CPNE8: variants seen among roughly 807,000 people sequenced by gnomAD.
The protein encoded by CPNE8 is copine 8, also known as copine-8.
CPNE8 carries 45 observed loss-of-function variants against 81.5 expected under a neutral mutation model. That is an observed-to-expected ratio of 0.55 (90% confidence interval 0.44 to 0.71). CPNE8 has a LOEUF of 0.71. Among genes scored for constraint, CPNE8 ranks in the 30% least tolerant of loss-of-function variants. The pLI is 0.00. For synonymous variants in CPNE8, 252 were observed against 226.3 expected (o/e 1.11, Z -1.02); for missense variants, 594 against 672.1 (o/e 0.88, Z 1.28).
At chr12:38,705,297 T>C (rs1217295741) in intron 13 of CPNE8, among the ~76,000 whole-genome samples, 1 of 152,150 alleles carries the variant, frequency 6.6e-6, no homozygotes, top group East Asian at 1.9e-4. Flanking sequence ...CTTGTAGTCC[T>C]CTTAGTAAAA....
At chr12:38,675,919 A>G (rs538466416) in intron 17 of CPNE8, 145 bp from the exon 18 acceptor site, 16 of 625,920 alleles carry the variant, frequency 2.6e-5, no homozygotes, top group Middle Eastern at 4.3e-4. Flanking sequence ...CAGGAGTTTG[A>G]GAACAGCCTG....
At chr12:38,886,080 G>A (rs1316757988) in intron 1 of CPNE8, among the ~76,000 whole-genome samples, 2 of 152,124 alleles carry the variant, frequency 1.3e-5, no homozygotes, top group Non-Finnish European at 2.9e-5. Context: ...TAATATAGAT[G>A]GCTGGGGTTA....
At chr12:38,755,912 CG>C (rs1565599613) in intron 10 of CPNE8, among the ~76,000 whole-genome samples, 1 of 150,590 alleles carries the variant, frequency 6.6e-6, no homozygotes, top group Non-Finnish European at 1.5e-5. Flanking sequence ...TAGTGGCGGG[CG>C]CCTGTAGTCC....
At chr12:38,738,021 G>A (rs1349275471) in intron 10 of CPNE8, among the ~76,000 whole-genome samples, 1 of 152,104 alleles carries the variant, frequency 6.6e-6, no homozygotes, top group East Asian at 1.9e-4. Context: ...AGTTGTGCCA[G>A]AGTTGCCAAC....
At chr12:38,799,749 G>T in intron 6 of CPNE8, among the ~76,000 whole-genome samples, 1 of 146,594 alleles carries the variant, frequency 6.8e-6, no homozygotes, top group African/African-American at 2.4e-5. Context: ...GAGGTACCGG[G>T]TTCATCTCAC....
chr12:38,745,752 C>G (rs1565595060), intron 10 of CPNE8, among the ~76,000 whole-genome samples: 1 of 152,070 alleles, frequency 6.6e-6, no homozygotes, highest in Non-Finnish European at 1.5e-5. Flanking sequence ...ACTATGTTAC[C>G]CAGGCTGGTC....
intron 1 of CPNE8, among the ~76,000 whole-genome samples, chr12:38,896,077 ATTAAT>A (rs1221718988): frequency 6.6e-6 from 1 of 152,126 alleles, no homozygotes; most frequent in Non-Finnish European, 1.5e-5. Context: ...AGATTTTGAG[ATTAAT>A]TTAAAGAAAA....
rs140509942 is a variant in CPNE8, at chr12:38,872,361, A to T, written c.186+643T>A. Among the ~76,000 whole-genome samples the T allele has an allele frequency of 2.1e-3, 323 of 152,340 alleles. 1 individual carries two copies. Among genetic ancestry groups the T allele is most frequent in the Non-Finnish European group, 3.5e-3 (238 of 68,022 alleles). ...AAATAGCACTAACCTCACTAGGGAA[A>T]TCTAGCCAGAAACTGTAACCTCATT... On this transcript the variant is annotated intron_variant, in intron 3 of 19. Transcript: ENST00000331366.
At chr12:38,871,378 C>G (rs897058175) in intron 3 of CPNE8, among the ~76,000 whole-genome samples, 1 of 152,266 alleles carries the variant, frequency 6.6e-6, no homozygotes, top group East Asian at 1.9e-4. Context: ...TTGTGGACAC[C>G]CTGGTCAATG....
chr12:38,871,955 G>C (rs1943998448), intron 3 of CPNE8, among the ~76,000 whole-genome samples: 1 of 152,116 alleles, frequency 6.6e-6, no homozygotes. Context: ...GACCAACATG[G>C]AGAAACCCCG....
chr12:38,681,551 C>A (rs755184673), intron 16 of CPNE8, among the ~76,000 whole-genome samples: 2 of 152,112 alleles, frequency 1.3e-5, no homozygotes, highest in Non-Finnish European at 2.9e-5. Flanking sequence ...ATAAATCCCA[C>A]TTATTTAATC....
intron 10 of CPNE8, among the ~76,000 whole-genome samples, chr12:38,738,813 T>TTTTTC (rs1941013793): frequency 6.9e-6 from 1 of 144,210 alleles, no homozygotes; most frequent in Non-Finnish European, 1.5e-5. Context: ...TTTCTTTTTT[T>TTTTTC]TTTTTCTTTT....
At chr12:38,762,852 G>A (rs1311400493) in intron 8 of CPNE8, among the ~76,000 whole-genome samples, 1 of 152,028 alleles carries the variant, frequency 6.6e-6, no homozygotes, top group East Asian at 1.9e-4. Flanking sequence ...TGGGAGCAAT[G>A]TTTTTGTTTT....
At chr12:38,835,890 T>G (rs1943371229) in intron 5 of CPNE8, among the ~76,000 whole-genome samples, 1 of 152,164 alleles carries the variant, frequency 6.6e-6, no homozygotes, top group African/African-American at 2.4e-5. Flanking sequence ...AGTTTAGTGG[T>G]GCCTTCCGCA....
chr12:38,775,321 T>C (rs1941908503), intron 7 of CPNE8, among the ~76,000 whole-genome samples: 1 of 152,168 alleles, frequency 6.6e-6, no homozygotes. Flanking sequence ...ACAGAATTTA[T>C]CTAAAAGTTA....
intron 7 of CPNE8, among the ~76,000 whole-genome samples, chr12:38,771,744 A>G (rs11838254): frequency 0.022 from 3,395 of 152,272 alleles, 124 homozygotes; most frequent in African/African-American, 0.077. Context: ...GCCTTGTGAT[A>G]TTGGCCTTGG....
At chr12:38,654,127 C>A in intron 19 of CPNE8, 57 bp from the exon 20 acceptor site, 2 of 1,503,800 alleles carry the variant, frequency 1.3e-6, no homozygotes, top group Non-Finnish European at 1.8e-6. Context: ...ATGTAATAAA[C>A]ACAAAAAATC....
intron 6 of CPNE8, among the ~76,000 whole-genome samples, chr12:38,829,147 C>A (rs1370159118): frequency 6.6e-6 from 1 of 152,090 alleles, no homozygotes; most frequent in Non-Finnish European, 1.5e-5. Context: ...CAACACATTT[C>A]CTTATTTAAA....
At chr12:38,725,122 C>T (rs935868238) in intron 11 of CPNE8, among the ~76,000 whole-genome samples, 5 of 152,152 alleles carry the variant, frequency 3.3e-5, no homozygotes, top group Non-Finnish European at 7.4e-5. Flanking sequence ...ATATTCTTCT[C>T]ACCTGTACAT....
Sources: gnomAD v4.1 joint callset for allele counts (sites outside exome capture counted in the v4.1 genomes callset) on GRCh38, gnomAD v4.1.1 for gene constraint, MANE v1.5 for transcripts, NCBI Gene and HGNC (gene_info 2026-07-23, HGNC 2026-07-21) for gene names.